Variants in WDFY3 observed in about 807,000 individuals in gnomAD.
The protein encoded by WDFY3 is WD repeat and FYVE domain-containing protein 3.
In WDFY3, 66 loss-of-function variants were observed where a neutral mutation model predicts 409.6. The observed-to-expected ratio is 0.16, with a 90% CI of 0.13 to 0.20. The LOEUF is 0.20. WDFY3 is among the 10% of genes least tolerant of loss of function. The pLI is 1.00. For missense variants in WDFY3, 3,031 were observed against 4,298.1 expected (o/e 0.71, Z 8.24); for synonymous variants, 1,521 against 1,537.1 (o/e 0.99, Z 0.25).
At chr4:84,787,919 A>G (rs1163473968) in intron 22 of WDFY3, among the ~76,000 whole-genome samples, 1 of 152,122 alleles carries the variant, frequency 6.6e-6, no homozygotes, top group Non-Finnish European at 1.5e-5. Context: ...CTTTTATCCA[A>G]CTCTCTAACA....
chr4:84,946,266 A>G (rs1319774939), intron 1 of WDFY3, among the ~76,000 whole-genome samples: 1 of 152,148 alleles, frequency 6.6e-6, no homozygotes, highest in Non-Finnish European at 1.5e-5. Flanking sequence ...AAAACTAAGG[A>G]CTGTGGCCAC....
intron 3 of WDFY3, among the ~76,000 whole-genome samples, chr4:84,872,407 GTGAGCC>G (rs1459823449): frequency 6.6e-6 from 1 of 151,652 alleles, no homozygotes; most frequent in Non-Finnish European, 1.5e-5. Context: ...AGAGGTTGCA[GTGAGCC>G]GAGATTGCCC....
intron 24 of WDFY3, among the ~76,000 whole-genome samples, chr4:84,785,709 T>C (rs1388903956): frequency 6.6e-6 from 1 of 152,226 alleles, no homozygotes; most frequent in Admixed American, 6.5e-5. Context: ...TTGTTTTCAT[T>C]AGTTTTCTAA....
At chr4:84,851,010 C>A (rs183481327) in intron 4 of WDFY3, among the ~76,000 whole-genome samples, 6 of 111,116 alleles carry the variant, frequency 5.4e-5, no homozygotes, top group Non-Finnish European at 6.8e-5. Flanking sequence ...AGGTCTTGAA[C>A]TCCTGGGTTC....
In WDFY3 at chr4:84,751,791, A is replaced by G. The variant is rs78458203; in HGVS notation, c.5740-75T>C. 9.3e-6 allele frequency: 14 copies of G among 1,508,032 alleles called. No individual in the cohort carries two copies. The East Asian group carries it at 2.9e-4, about 32-fold the overall frequency. The allele number at this position is 1,508,032 out of a possible 1,614,324, so 93.4% of individuals were successfully genotyped here. The stretch of plus-strand genomic sequence containing the variant: ...TTTTACTTCTGTGTTTCCTAAAAAT[A>G]AAACTGGAGCAGCAGCATTTTCCAC... On this transcript the variant is annotated intron_variant, in intron 35 of 67. Transcript: ENST00000295888.
At chr4:84,909,924 A>G (rs897799088) in intron 2 of WDFY3, among the ~76,000 whole-genome samples, 16 of 152,184 alleles carry the variant, frequency 1.1e-4, no homozygotes, top group Admixed American at 8.5e-4. Context: ...AGTATTCATA[A>G]TAAATTTAAT....
At chr4:84,952,364 C>T (rs1256061347) in intron 1 of WDFY3, among the ~76,000 whole-genome samples, 2 of 152,132 alleles carry the variant, frequency 1.3e-5, no homozygotes, top group Non-Finnish European at 2.9e-5. Context: ...TATTGTATAA[C>T]TGAAGCAAAC....
chr4:84,707,640 T>G (rs185177954), intron 53 of WDFY3, among the ~76,000 whole-genome samples: 1 of 152,328 alleles, frequency 6.6e-6, no homozygotes, highest in Non-Finnish European at 1.5e-5. Context: ...TCCACTCCCT[T>G]CTCAGAAAAC....
rs777262344 is a variant in WDFY3 at position 84,715,366 on chromosome 4, A to T, written c.7893T>A (p.Val2631=). 25 of 1,603,856 alleles carry T rather than the reference A, an allele frequency of 1.6e-5. No individual in the cohort carries two copies. The highest frequency in any genetic ancestry group is 2.1e-5 in the Non-Finnish European group (25 of 1,171,242). Residue 2631 remains valine (V), a synonymous_variant, in exon 50 of 68, where the codon GTT becomes GTA. Coordinates refer to ENST00000295888, the MANE Select transcript of WDFY3 (RefSeq NM_014991.6). ...GGTAATTCCGTCCATCTCCAGAGAA[A>T]ACTTCCACAGCAATAGGCTGAAATG... ...RYLLQPIAVE[V]FSGDGRNYLL...
At chr4:84,767,215 C>T (rs771358291) in intron 30 of WDFY3, among the ~76,000 whole-genome samples, 1 of 151,796 alleles carries the variant, frequency 6.6e-6, no homozygotes, top group Non-Finnish European at 1.5e-5. Context: ...CTGTTACAGT[C>T]ATCTGTGATC....
chr4:84,918,805 G>T (rs189673796), intron 2 of WDFY3, among the ~76,000 whole-genome samples: 2 of 134,492 alleles, frequency 1.5e-5, no homozygotes, highest in Non-Finnish European at 3.2e-5. Flanking sequence ...GCGCATATTT[G>T]TGTGTGTGTG....
chr4:84,756,046 T>C (rs1200647106), intron 33 of WDFY3, among the ~76,000 whole-genome samples: 1 of 152,190 alleles, frequency 6.6e-6, no homozygotes, highest in Non-Finnish European at 1.5e-5. Context: ...GGAAGTGTAG[T>C]TGAGTCTAAA....
chr4:84,712,523 C>T (rs1023716432), intron 51 of WDFY3, among the ~76,000 whole-genome samples: 1 of 152,006 alleles, frequency 6.6e-6, no homozygotes, highest in Non-Finnish European at 1.5e-5. Flanking sequence ...TAGTTTGAGA[C>T]CAGCCTGACC....
intron 30 of WDFY3, among the ~76,000 whole-genome samples, chr4:84,771,192 A>G (rs1309997499): frequency 1.3e-5 from 2 of 152,208 alleles, no homozygotes. Context: ...GTTGAAGGTC[A>G]GTGGCACAAT....
At chr4:84,801,619 G>A (rs761154763) in intron 17 of WDFY3, 31 bp downstream of exon 17, 3 of 1,572,006 alleles carry the variant, frequency 1.9e-6, no homozygotes, top group Admixed American at 1.7e-5. Flanking sequence ...ATTACTAATT[G>A]TGGACTATTT....
At chr4:84,873,489 C>T (rs1043077035) in intron 3 of WDFY3, among the ~76,000 whole-genome samples, 1 of 152,040 alleles carries the variant, frequency 6.6e-6, no homozygotes, top group Non-Finnish European at 1.5e-5. Flanking sequence ...AAAAGCTGTT[C>T]TTTGAGGAAA....
At chr4:84,789,375 CAAT>C (rs1222261455) in intron 22 of WDFY3, among the ~76,000 whole-genome samples, 1 of 152,044 alleles carries the variant, frequency 6.6e-6, no homozygotes, top group Non-Finnish European at 1.5e-5. Context: ...ATTACAACAA[CAAT>C]AATGAAGTGG....
At position 84,682,359 on chromosome 4, in the gene WDFY3, G is replaced by C; in HGVS notation, c.9823+15C>G. ...ATGAAAACGATTTGAGTCATTTTTA[G>C]AAAGTATTAAATACCTATTTGTGCT... is the stretch of plus-strand genomic sequence containing the variant. On this transcript the variant is annotated intron_variant, in intron 64 of 67. Transcript: ENST00000295888. 3 of 1,604,138 alleles carry C rather than the reference G, an allele frequency of 1.9e-6. No individual in the cohort carries two copies. The highest frequency in any genetic ancestry group is 1.7e-6 in the Non-Finnish European group (2 of 1,173,902).
intron 3 of WDFY3, among the ~76,000 whole-genome samples, chr4:84,894,876 G>T (rs905987218): frequency 7.2e-4 from 105 of 145,318 alleles, no homozygotes; most frequent in Non-Finnish European, 1.4e-3. Flanking sequence ...CTTGAACCTG[G>T]GGGGAGGAGA....
Sources: allele counts gnomAD v4.1 joint callset (sites outside exome capture counted in the v4.1 genomes callset), GRCh38; gene constraint gnomAD v4.1.1; transcripts MANE v1.5; gene names NCBI Gene and HGNC (gene_info 2026-07-23, HGNC 2026-07-21).